HTRA1: variants seen among roughly 807,000 people sequenced by gnomAD.
The protein encoded by HTRA1 is HtrA serine peptidase 1.
Under a neutral mutation model 49.7 loss-of-function variants are expected in HTRA1, and 26 were observed. The observed-to-expected ratio is 0.52, with a 90% CI of 0.38 to 0.73. The LOEUF (loss-of-function observed/expected upper bound fraction) is 0.73. Among genes scored for constraint, HTRA1 ranks in the 30% least tolerant of loss-of-function variants. HTRA1 has a pLI of 0.00. For missense variants in HTRA1, 561 were observed against 667.2 expected, an observed-to-expected ratio of 0.84 and a Z score of 1.75; for synonymous variants, 291 against 286.9, an observed-to-expected ratio of 1.01 and a Z score of -0.14.
chr10:122,499,670 G>A (rs1451687428), intron 3 of HTRA1, among the ~76,000 whole-genome samples: 3 of 152,270 alleles, frequency 2.0e-5, no homozygotes, highest in African/African-American at 7.2e-5. Flanking sequence ...ACCCTTCTGC[G>A]GCCTGGTTTG....
intron 1 of HTRA1, 82 bp from the exon 2 acceptor site, chr10:122,488,820 T>G (rs2097494327): frequency 4.5e-6 from 5 of 1,105,430 alleles, no homozygotes; most frequent in Non-Finnish European, 7.0e-6. Flanking sequence ...GGCATGCATC[T>G]TGGCTTCCTC....
At chr10:122,478,295 G>A (rs1022290635) in intron 1 of HTRA1, among the ~76,000 whole-genome samples, 2 of 152,074 alleles carry the variant, frequency 1.3e-5, no homozygotes, top group Admixed American at 6.5e-5. Context: ...AGTATGCACT[G>A]TTCTGGCATT....
intron 1 of HTRA1, among the ~76,000 whole-genome samples, chr10:122,478,258 CTGGGCTGCACAGCTTGCCT>C (rs753178558): frequency 7.2e-4 from 109 of 152,306 alleles, no homozygotes; most frequent in Non-Finnish European, 1.2e-3. Context: ...AGGGGCTTGC[CTGGGCTGCACAGCTTGCCT>C]TGGCTGGAGT....
In HTRA1 at chr10:122,475,766, G is replaced by A. The variant is rs898420563; in HGVS notation, c.473-13136G>A. On this transcript the variant is annotated intron_variant, in intron 1 of 8. Transcript: ENST00000368984. ...CAGGCCCCTCTGTGCCCATGTCCCC[G>A]GCGCCCTGGAATGTGCAGTACCAGC... Among the ~76,000 whole-genome samples, 14 of 152,318 alleles carry A rather than the reference G, an allele frequency of 9.2e-5. No homozygotes were observed. In the East Asian group the frequency reaches 1.7e-3, roughly 19 times the overall value.
In HTRA1 at chr10:122,461,730, G is replaced by A; in HGVS notation, c.78G>A (p.Arg26=). ...CGCCCGCCTCGGCGCAGCTGTCCCG[G>A]GCCGGCCGCTCGGCGCCTTTGGCCG... is the stretch of plus-strand genomic sequence containing the variant. ...LAAPASAQLS[R]AGRSAPLAAG... is the part of the protein sequence containing the mutation. The change falls in exon 1 of 9, where the codon CGG becomes CGA. Residue 26 remains arginine (R), a synonymous_variant. Coordinates refer to ENST00000368984, the MANE Select transcript of HTRA1 (RefSeq NM_002775.5). 1 of 1,179,572 alleles carries A rather than the reference G, an allele frequency of 8.5e-7. No individual in the cohort carries two copies. Among genetic ancestry groups the A allele is most frequent in the Non-Finnish European group, 1.1e-6 (1 of 944,144 alleles). The allele number at this position is 1,179,572 out of a possible 1,614,324, so 73.1% of individuals were successfully genotyped here.
In HTRA1 at chr10:122,487,178, A is replaced by G. The variant is rs2097493474; in HGVS notation, c.473-1724A>G. ...AGCTTCCTGTCAATTCGTAGTGAGC[A>G]GCTAGCAGAGGAGTGCGGGTCCCTG... On this transcript the variant is annotated intron_variant, in intron 1 of 8. Transcript: ENST00000368984. The surrounding 1 kb of genome is among the most constrained non-coding windows in gnomAD (Gnocchi z 4.8). Among the ~76,000 whole-genome samples the G allele has an allele frequency of 6.6e-6, 1 of 152,224 alleles. No homozygotes were observed.
chr10:122,473,925 A>T (rs2097487281), intron 1 of HTRA1, among the ~76,000 whole-genome samples: 1 of 152,178 alleles, frequency 6.6e-6, no homozygotes, highest in Admixed American at 6.5e-5. Flanking sequence ...TATGATTAAA[A>T]ATATGCCTTT....
At chr10:122,500,705 T>C (rs2097500518) in intron 3 of HTRA1, among the ~76,000 whole-genome samples, 1 of 152,160 alleles carries the variant, frequency 6.6e-6, no homozygotes, top group Non-Finnish European at 1.5e-5. Flanking sequence ...AGAATGAGCC[T>C]GAGGCGCGCT....
At position 122,496,228 on chromosome 10, in the gene HTRA1, C is replaced by CT. The variant is rs71026021; in HGVS notation, c.777+6633dup. Among the ~76,000 whole-genome samples the CT allele has an allele frequency of 1.1e-3, 80 of 75,670 alleles. 2 individuals are homozygous for CT. Among genetic ancestry groups the CT allele is most frequent in the African/African-American group, 2.3e-3 (42 of 18,566 alleles). The allele number at this position is 75,670 out of a possible 152,430, so 49.6% of individuals were successfully genotyped here. A position where few individuals can be genotyped will look rare whatever the true frequency, so the allele number is the denominator to read the frequency against. On this transcript the variant is annotated intron_variant, in intron 3 of 8. Coordinates refer to ENST00000368984, the MANE Select transcript of HTRA1 (RefSeq NM_002775.5). ...TTTCGTTTGCCAGAGATTGTGGGTTCTTTTTTTTTTTTTTTTTTTTTTTTT... is the reference window on the plus strand; with the variant it reads ...TTTCGTTTGCCAGAGATTGTGGGTTCTTTTTTTTTTTTTTTTTTTTTTTTTT...
chr10:122,462,915 A>G (rs1228041100), intron 1 of HTRA1, among the ~76,000 whole-genome samples: 1 of 152,178 alleles, frequency 6.6e-6, no homozygotes, highest in Non-Finnish European at 1.5e-5. Context: ...GGCAGGGGAG[A>G]CGGTGGTGAT....
chr10:122,467,479 C>T (rs934383134), intron 1 of HTRA1, among the ~76,000 whole-genome samples: 1 of 152,130 alleles, frequency 6.6e-6, no homozygotes, highest in Non-Finnish European at 1.5e-5. Flanking sequence ...TAATTTAAAG[C>T]CTGGGGAGGC....
chr10:122,511,874 C>T (rs2097505805), intron 7 of HTRA1, 96 bp from the exon 8 acceptor site: 2 of 853,360 alleles, frequency 2.3e-6, no homozygotes, highest in Non-Finnish European at 4.0e-6. Flanking sequence ...TTACCTTAGA[C>T]CTAAGGAGAA....
chr10:122,510,281 A>C (rs1021785387), intron 7 of HTRA1, 128 bp downstream of exon 7: 7 of 784,474 alleles, frequency 8.9e-6, no homozygotes, highest in Non-Finnish European at 1.6e-5. Context: ...GCTTATAATG[A>C]AGTAGCATCG....
chr10:122,486,279 G>A (rs1393250118), intron 1 of HTRA1, among the ~76,000 whole-genome samples: 1 of 152,130 alleles, frequency 6.6e-6, no homozygotes, highest in Non-Finnish European at 1.5e-5. Context: ...TATTCCACAT[G>A]AAGGTAGAAA....
In HTRA1 at chr10:122,508,780, G is replaced by T; in HGVS notation, c.1120+10G>T. The T allele has an allele frequency of 6.7e-7, 1 of 1,500,098 alleles. No individual in the cohort carries two copies. The highest frequency in any genetic ancestry group is 9.3e-7 in the Non-Finnish European group (1 of 1,075,858). 92.9% of individuals were successfully genotyped at this position (1,500,098 alleles called of 1,614,324 possible). A position where few individuals can be genotyped will look rare whatever the true frequency, so the allele number is the denominator to read the frequency against. On this transcript the variant is annotated intron_variant, in intron 6 of 8. Transcript: ENST00000368984. The stretch of plus-strand genomic sequence containing the variant: ...GACCGACAGGCCAAAGGTAGGCAAG[G>T]CCCACACAGCCCTGGGGACTCCGGA...
chr10:122,465,849 G>C (rs868068346), intron 1 of HTRA1, among the ~76,000 whole-genome samples: 1 of 152,152 alleles, frequency 6.6e-6, no homozygotes, highest in Non-Finnish European at 1.5e-5. Context: ...CCGGGATTCC[G>C]GACCTCTGCT....
rs563994930 is a variant in HTRA1, at chr10:122,493,185, T to A, written c.777+3559T>A. Among the ~76,000 whole-genome samples, 26 of 152,290 alleles carry A rather than the reference T, an allele frequency of 1.7e-4. No homozygotes were observed. The South Asian group carries it at 5.2e-3, about 30-fold the overall frequency. On this transcript the variant is annotated intron_variant, in intron 3 of 8. Transcript: ENST00000368984. ...CGGACCAGCCCCCTCTTGCCTGCCC[T>A]GCTGTCTCCCTCCAAGCAGGAGGTG...
intron 3 of HTRA1, among the ~76,000 whole-genome samples, chr10:122,502,792 G>A (rs2097501490): frequency 6.6e-6 from 1 of 152,206 alleles, no homozygotes; most frequent in Non-Finnish European, 1.5e-5. Context: ...ATCTTTTAGG[G>A]GGACCTGAGA....
At chr10:122,474,767 A>T (rs1455976364) in intron 1 of HTRA1, among the ~76,000 whole-genome samples, 2 of 152,196 alleles carry the variant, frequency 1.3e-5, no homozygotes, top group East Asian at 3.9e-4. Context: ...TGAAAAAAAA[A>T]ATGTGCAGTG....
Sources: allele counts gnomAD v4.1 joint callset (sites outside exome capture counted in the v4.1 genomes callset), GRCh38; gene constraint gnomAD v4.1.1; non-coding constraint Gnocchi (gnomAD v3.1); transcripts MANE v1.5; gene names NCBI Gene and HGNC (gene_info 2026-07-23, HGNC 2026-07-21).